The following TET1 variants were observed in gnomAD, a reference collection of about 807,000 sequenced individuals.
TET1 encodes tet methylcytosine dioxygenase 1, also known as methylcytosine dioxygenase TET1.
A neutral mutation model predicts 148.7 loss-of-function variants in TET1; 13 were observed. The observed-to-expected ratio is 0.09, with a 90% CI of 0.06 to 0.14. TET1 has a LOEUF of 0.14. TET1 is among the 10% of genes least tolerant of loss of function. The pLI, the probability that TET1 is intolerant of heterozygous loss-of-function variation, is 1.00. For synonymous variants in TET1, 907 were observed against 937.2 expected, an observed-to-expected ratio of 0.97 and a Z score of 0.59; for missense variants, 2,182 against 2,553.8, an observed-to-expected ratio of 0.85 and a Z score of 3.14.
At chr10:68,621,860 G>A (rs903256220) in intron 3 of TET1, among the ~76,000 whole-genome samples, 2 of 152,134 alleles carry the variant, frequency 1.3e-5, no homozygotes, top group Non-Finnish European at 2.9e-5. Flanking sequence ...GAGCCTTGAG[G>A]GAGAAAAAGG....
chr10:68,614,897 C>T (rs1286952229), intron 3 of TET1, among the ~76,000 whole-genome samples: 3 of 151,878 alleles, frequency 2.0e-5, no homozygotes, highest in African/African-American at 4.8e-5. Context: ...CCCAGCCATT[C>T]TCACTTCTTT....
intron 11 of TET1, among the ~76,000 whole-genome samples, chr10:68,690,098 T>C (rs1053031076): frequency 2.6e-5 from 4 of 152,228 alleles, no homozygotes; most frequent in Admixed American, 6.5e-5. Context: ...GGTCATACAA[T>C]GCCTAAAACG....
chr10:68,600,005 T>C (rs1007981995), intron 2 of TET1, among the ~76,000 whole-genome samples: 2 of 152,198 alleles, frequency 1.3e-5, no homozygotes, highest in Admixed American at 1.3e-4. Context: ...TGGACATTTA[T>C]TGACAGAAAT....
intron 8 of TET1, among the ~76,000 whole-genome samples, chr10:68,676,761 A>AATAG (rs1172225350): frequency 6.6e-6 from 1 of 152,160 alleles, no homozygotes; most frequent in Admixed American, 6.5e-5. Flanking sequence ...TCCCTAACTG[A>AATAG]ATAGATATAT....
At chr10:68,631,257 G>A (rs186663448) in intron 3 of TET1, among the ~76,000 whole-genome samples, 1 of 152,248 alleles carries the variant, frequency 6.6e-6, no homozygotes, top group Non-Finnish European at 1.5e-5. Flanking sequence ...TGGGGACTAC[G>A]TTGGTGAATA....
chr10:68,573,477 G>A lies in TET1; in HGVS notation c.1139G>A (p.Gly380Asp), dbSNP rs1214065925. ...ATCCCACATCAATGGGAACTTCCTG[G>A]TGCTGACCCAGTTCATGGTGAGGCC... ...GAIPHQWELP[G>D]ADPVHGEALG... The change falls in exon 2 of 12, where the codon GGT (glycine) becomes GAT (aspartate). Residue 380 changes from glycine to aspartate, a missense_variant. Around this residue, in one of 11 missense-constraint regions of TET1, gnomAD observed 665 missense variants for 672.4 expected, o/e 0.99. Transcript: ENST00000373644. The A allele has an allele frequency of 1.2e-6, 2 of 1,614,022 alleles. No individual in the cohort carries two copies. Among genetic ancestry groups the A allele is most frequent in the African/African-American group, 1.3e-5 (1 of 74,898 alleles).
rs1249135357 is a variant in TET1, at chr10:68,639,436, C to CTAT, written c.1969-5253_1969-5251dup. Among the ~76,000 whole-genome samples, 56 of 131,010 alleles carry CTAT rather than the reference C, an allele frequency of 4.3e-4. 1 individual carries two copies. In the Middle Eastern group the frequency reaches 0.011, roughly 26 times the overall value. The allele number at this position is 131,010 out of a possible 152,430, so 85.9% of individuals were successfully genotyped here. A position where few individuals can be genotyped will look rare whatever the true frequency, so the allele number is the denominator to read the frequency against. ...GACTCCGTCTCAAAGATTACTATTA[C>CTAT]TATTATTATTACTACTACTACTACT... On this transcript the variant is annotated intron_variant, in intron 3 of 11. Transcript: ENST00000373644.
Position 68,646,271 on chromosome 10 carries a change from A to G in TET1, c.3542A>G (p.Tyr1181Cys), listed in dbSNP as rs1446160775. The change falls in exon 4 of 12, where the codon TAT becomes TGT. Residue 1181 changes from tyrosine to cysteine, a missense_variant. This residue lies in a region of TET1 where 582 missense variants were observed against 599.5 expected (regional missense o/e 0.97). Transcript: ENST00000373644. ...NDRQKWEKLS[Y>C]MYGTICDIWI... ...CGGCAGAAGTGGGAAAAGTTGTCCTATATGTATGGCACAATATGCGACATT... is the reference window on the plus strand; with the variant it reads ...CGGCAGAAGTGGGAAAAGTTGTCCTGTATGTATGGCACAATATGCGACATT... 6.2e-7 allele frequency: 1 copy of G among 1,614,080 alleles called. No homozygotes were observed. The highest frequency in any genetic ancestry group is 2.2e-5 in the East Asian group (1 of 44,898).
intron 3 of TET1, among the ~76,000 whole-genome samples, chr10:68,615,508 G>A (rs2054278248): frequency 6.6e-6 from 1 of 151,214 alleles, no homozygotes; most frequent in African/African-American, 2.4e-5. Flanking sequence ...ACTACGCCTG[G>A]CTAATTTTTG....
intron 3 of TET1, among the ~76,000 whole-genome samples, chr10:68,639,667 C>T (rs960952282): frequency 2.0e-5 from 3 of 152,034 alleles, no homozygotes; most frequent in Admixed American, 2.0e-4. Flanking sequence ...CACTATGTCA[C>T]CCAGGCTGGT....
Position 68,572,871 on chromosome 10 carries a change from C to T in TET1, c.533C>T (p.Pro178Leu), listed in dbSNP as rs1457729740. The T allele has an allele frequency of 6.2e-7, 1 of 1,614,074 alleles. No individual in the cohort carries two copies. Among genetic ancestry groups the T allele is most frequent in the Non-Finnish European group, 8.5e-7 (1 of 1,180,032 alleles). Reference protein sequence around the residue: ...DIETLIGVQNPSLLKGKSQET... With the variant: ...DIETLIGVQNLSLLKGKSQET... The stretch of plus-strand genomic sequence containing the variant: ...GAGACTCTAATTGGTGTACAAAATC[C>T]CTCTTTACTTAAAGGTAAGAGCCAA... Residue 178 changes from proline (P) to leucine (L), a missense_variant, in exon 2 of 12, where the codon CCC (proline) becomes CTC (leucine). Coordinates refer to ENST00000373644, the MANE Select transcript of TET1 (RefSeq NM_030625.3).
At chr10:68,593,455 C>T (rs2053942333) in intron 2 of TET1, among the ~76,000 whole-genome samples, 1 of 151,638 alleles carries the variant, frequency 6.6e-6, no homozygotes, top group Admixed American at 6.6e-5. Flanking sequence ...AATTTTTTCA[C>T]TTTTTATGAT....
intron 2 of TET1, among the ~76,000 whole-genome samples, chr10:68,583,465 GA>G (rs1403916429): frequency 1.3e-5 from 2 of 152,204 alleles, no homozygotes; most frequent in African/African-American, 2.4e-5. Context: ...GACATATCCA[GA>G]AGGTGTTGGC....
chr10:68,685,165 G>A (rs901891533), intron 10 of TET1, among the ~76,000 whole-genome samples: 4 of 152,132 alleles, frequency 2.6e-5, no homozygotes, highest in Non-Finnish European at 4.4e-5. Flanking sequence ...TGAGGCAGGA[G>A]AAACACTCAA....
rs141478461 is a variant in TET1 at position 68,668,187 on chromosome 10, T to C, written c.4673+931T>C. ...TGCTATTAACTCTTATTCTGTGATA[T>C]AATTTGCAAATATTTTTCTCAGTTT... On this transcript the variant is annotated intron_variant, in intron 7 of 11. Transcript: ENST00000373644. Among the ~76,000 whole-genome samples the C allele has an allele frequency of 2.3e-3, 346 of 152,352 alleles. 1 individual carries two copies. Among genetic ancestry groups the C allele is most frequent in the Non-Finnish European group, 3.7e-3 (249 of 68,028 alleles).
In TET1 at chr10:68,628,939, C is replaced by A. The variant is rs1231162373; in HGVS notation, c.1969-15759C>A. 2.6e-5 allele frequency among the ~76,000 whole-genome samples: 4 copies of A among 152,252 alleles called. No homozygotes were observed. The East Asian group carries it at 7.7e-4, about 29-fold the overall frequency. On this transcript the variant is annotated intron_variant, in intron 3 of 11. Coordinates refer to ENST00000373644, the MANE Select transcript of TET1 (RefSeq NM_030625.3). ...TCTAATGTTTGAAATTTGGGTAGGG[C>A]AGCTAAGAAACTGACTTTGTGATTT... is the stretch of plus-strand genomic sequence containing the variant.
At chr10:68,666,894 G>T in intron 6 of TET1, 151 bp from the exon 7 acceptor site, 1 of 706,218 alleles carries the variant, frequency 1.4e-6, no homozygotes, top group Non-Finnish European at 2.3e-6. Flanking sequence ...GACCAGCCTT[G>T]GTAACATAGT....
At chr10:68,595,961 TACACACACACACACACATATATAC>T (rs2053978727) in intron 2 of TET1, among the ~76,000 whole-genome samples, 2 of 37,304 alleles carry the variant, frequency 5.4e-5, no homozygotes, top group African/African-American at 1.7e-4. Context: ...TATATATATA[TACACACACACACACACATATATAC>T]ACACACACAC....
chr10:68,606,617 A>C (rs1326058568), intron 3 of TET1, among the ~76,000 whole-genome samples: 1 of 151,916 alleles, frequency 6.6e-6, no homozygotes, highest in African/African-American at 2.4e-5. Flanking sequence ...AAAAAAAAAA[A>C]CACATGTCAT....
Sources: gnomAD v4.1 joint callset for allele counts (sites outside exome capture counted in the v4.1 genomes callset) on GRCh38, gnomAD v4.1.1 for gene constraint, gnomAD v4.1.1 regional missense constraint, MANE v1.5 for transcripts, NCBI Gene and HGNC (gene_info 2026-07-23, HGNC 2026-07-21) for gene names.